Variants in MAP3K4 observed in about 807,000 individuals in gnomAD.
MAP3K4 encodes MAP three kinase 1.
A neutral mutation model predicts 185.6 loss-of-function variants in MAP3K4; 67 were observed. The ratio of observed to expected loss-of-function variants is 0.36; its 90% CI spans 0.30 to 0.44. MAP3K4 has a LOEUF of 0.44. Ranked by LOEUF, MAP3K4 falls within the 20% of genes least tolerant of loss-of-function variation. The probability of loss-of-function intolerance (pLI) is 1.00; values close to 1 mark genes in which losing one functional copy is unlikely to be tolerated. For missense variants in MAP3K4, 1,551 were observed against 1,995.1 expected (o/e 0.78, Z 4.24); for synonymous variants, 702 against 710.4 (o/e 0.99, Z 0.19).
chr6:161,098,909 A>G lies in MAP3K4; in HGVS notation c.3674+482A>G, dbSNP rs994477538. ...TTTATAGAAGTGGAAAAATGAGTTC[A>G]TGGGGTTTGTATGTCATATGGAGAA... On this transcript the variant is annotated intron_variant, in intron 17 of 26. Coordinates refer to ENST00000392142, the MANE Select transcript of MAP3K4 (RefSeq NM_005922.4). The surrounding 1 kb of genome is among the most constrained non-coding windows in gnomAD (Gnocchi z 4.4). Among the ~76,000 whole-genome samples the G allele has an allele frequency of 1.3e-5, 2 of 152,242 alleles. No individual in the cohort carries two copies. Among genetic ancestry groups the G allele is most frequent in the Non-Finnish European group, 2.9e-5 (2 of 68,042 alleles).
intron 18 of MAP3K4, among the ~76,000 whole-genome samples, chr6:161,102,323 G>A (rs546270599): frequency 1.3e-5 from 2 of 152,254 alleles, no homozygotes; most frequent in East Asian, 1.9e-4. Flanking sequence ...TTTGTTGATC[G>A]TATGTGAAAG....
intron 1 of MAP3K4, among the ~76,000 whole-genome samples, chr6:161,001,498 G>GCAGTTTGC (rs1470169497): frequency 1.5e-4 from 23 of 152,028 alleles, no homozygotes; most frequent in African/African-American, 5.6e-4. Flanking sequence ...CAGAGCCCCT[G>GCAGTTTGC]CAGTTTGCCA....
chr6:161,060,360 T>C (rs564881819), intron 3 of MAP3K4, among the ~76,000 whole-genome samples: 78 of 152,264 alleles, frequency 5.1e-4, no homozygotes, highest in Non-Finnish European at 9.7e-4. Context: ...TAATTAGTGT[T>C]ATTAGTATGA....
At chr6:161,010,172 A>G (rs1297035786) in intron 1 of MAP3K4, among the ~76,000 whole-genome samples, 1 of 152,222 alleles carries the variant, frequency 6.6e-6, no homozygotes, top group Non-Finnish European at 1.5e-5. Context: ...ACTTGAGAGT[A>G]GTAACTATTA....
chr6:161,015,255 A>G (rs1003274110), intron 1 of MAP3K4, among the ~76,000 whole-genome samples: 1 of 151,754 alleles, frequency 6.6e-6, no homozygotes, highest in African/African-American at 2.4e-5. Flanking sequence ...AGAGCTGAAC[A>G]ATGAGAACAC....
At chr6:161,030,988 G>A (rs1307788716) in intron 1 of MAP3K4, among the ~76,000 whole-genome samples, 5 of 152,142 alleles carry the variant, frequency 3.3e-5, no homozygotes, top group Middle Eastern at 3.4e-3. Flanking sequence ...TTCCTAACTC[G>A]TTTTCTGTGA....
intron 1 of MAP3K4, among the ~76,000 whole-genome samples, chr6:161,028,758 T>C (rs1173730945): frequency 2.0e-5 from 3 of 152,210 alleles, no homozygotes; most frequent in African/African-American, 7.2e-5. Flanking sequence ...TAGTTAGGTT[T>C]GTAAAGACCC....
rs771617739 is a variant in MAP3K4, at chr6:161,049,688, G to A, written c.1416G>A (p.Pro472=). The change falls in exon 3 of 27, where the codon CCG becomes CCA. Residue 472 remains proline, a synonymous_variant. Transcript: ENST00000392142. This position sits in a 1 kb window ranked among gnomAD's most constrained non-coding sequence, Gnocchi z 8.4. ...AACAAATCTCTGATCCTAGGGTACC[G>A]GAAATCAGACAGCCCATAGATAACA... ...EEEQISDPRV[P]EIRQPIDNSF... is the part of the protein sequence containing the mutation. The A allele has an allele frequency of 5.0e-6, 8 of 1,614,112 alleles. No homozygotes were observed. Among genetic ancestry groups the A allele is most frequent in the Non-Finnish European group, 5.1e-6 (6 of 1,180,010 alleles).
At chr6:161,011,181 A>G (rs1284162495) in intron 1 of MAP3K4, among the ~76,000 whole-genome samples, 1 of 152,204 alleles carries the variant, frequency 6.6e-6, no homozygotes, top group African/African-American at 2.4e-5. Flanking sequence ...GGGAAGTCTA[A>G]TGAAGAATTT....
rs1251662304 is a variant in MAP3K4, at chr6:161,087,966, CT to C, written c.2823+13del. 1.2e-6 allele frequency: 2 copies of C among 1,603,100 alleles called. No homozygotes were observed. Among genetic ancestry groups the C allele is most frequent in the Non-Finnish European group, 1.7e-6 (2 of 1,176,952 alleles). On this transcript the variant is annotated intron_variant, in intron 10 of 26. Transcript: ENST00000392142. The surrounding 1 kb of genome is among the most constrained non-coding windows in gnomAD (Gnocchi z 4.9). ...TGAGAAGCATGCAGGTACAGCTCAT[CT>C]CCATCTTTGCAGCAGTGTTACTTCA...
rs932312897 is a variant in MAP3K4, at chr6:161,037,663, C to T, written c.343+3214C>T. 6.6e-6 allele frequency among the ~76,000 whole-genome samples: 1 copy of T among 151,862 alleles called. No individual in the cohort carries two copies. The highest frequency in any genetic ancestry group is 2.4e-5 in the African/African-American group (1 of 41,412). On this transcript the variant is annotated intron_variant, in intron 2 of 26. Coordinates refer to ENST00000392142, the MANE Select transcript of MAP3K4 (RefSeq NM_005922.4). This position sits in a 1 kb window ranked among gnomAD's most constrained non-coding sequence, Gnocchi z 4.2. ...GAACTGCTGACCTCAGGTGATCCAC[C>T]TGCCTCAGTCTCCCAAAGTGCTGGG... is the stretch of plus-strand genomic sequence containing the variant.
In MAP3K4 at chr6:161,106,763, A is replaced by ATTGC; in HGVS notation, c.4048+59_4048+60insTGCT. 2 of 1,386,808 alleles carry ATTGC rather than the reference A, an allele frequency of 1.4e-6. No individual in the cohort carries two copies. The highest frequency in any genetic ancestry group is 2.0e-6 in the Non-Finnish European group (2 of 1,006,750). 85.9% of individuals were successfully genotyped at this position (1,386,808 alleles called of 1,614,324 possible). ...GTCCCTGTTAGAAGTAGCAATAGTT[A>ATTGC]TACTTCTTTAGGTTGAATCCTATAG... On this transcript the variant is annotated intron_variant, in intron 20 of 26. Coordinates refer to ENST00000392142, the MANE Select transcript of MAP3K4 (RefSeq NM_005922.4). The surrounding 1 kb of genome is among the most constrained non-coding windows in gnomAD (Gnocchi z 4.9).
At position 161,054,146 on chromosome 6, in the gene MAP3K4, C is replaced by T. The variant is rs1221934242; in HGVS notation, c.1707+4167C>T. 1.3e-5 allele frequency among the ~76,000 whole-genome samples: 2 copies of T among 152,126 alleles called. No homozygotes were observed. Among genetic ancestry groups the T allele is most frequent in the Non-Finnish European group, 2.9e-5 (2 of 68,020 alleles). Reference sequence around the variant, plus strand: ...CTTACATTTAATTTCCCTTTGTAAGCATGCTTTACAAAATAATTTTTTTTT... The same window carrying T: ...CTTACATTTAATTTCCCTTTGTAAGTATGCTTTACAAAATAATTTTTTTTT... On this transcript the variant is annotated intron_variant, in intron 3 of 26. Transcript: ENST00000392142. The surrounding 1 kb of genome is among the most constrained non-coding windows in gnomAD (Gnocchi z 4.2).
At chr6:161,032,414 T>C (rs1488002742) in intron 1 of MAP3K4, among the ~76,000 whole-genome samples, 1 of 152,222 alleles carries the variant, frequency 6.6e-6, no homozygotes, top group Non-Finnish European at 1.5e-5. Context: ...TTTTGTTAAG[T>C]GTACATTATT....
intron 1 of MAP3K4, among the ~76,000 whole-genome samples, chr6:160,995,693 G>A (rs901915768): frequency 1.3e-5 from 2 of 152,170 alleles, no homozygotes; most frequent in Admixed American, 1.3e-4. Flanking sequence ...AATAAACATT[G>A]CTTATCATTT....
intron 1 of MAP3K4, among the ~76,000 whole-genome samples, chr6:161,013,695 C>T (rs971555829): frequency 6.6e-6 from 1 of 152,202 alleles, no homozygotes; most frequent in African/African-American, 2.4e-5. Flanking sequence ...TCCGTGGCTG[C>T]TGCTGCAGGG....
intron 3 of MAP3K4, among the ~76,000 whole-genome samples, chr6:161,068,632 G>A (rs1355313766): frequency 2.6e-5 from 4 of 152,190 alleles, no homozygotes; most frequent in South Asian, 2.1e-4. Flanking sequence ...GTGGATTGAC[G>A]CGTTGTAATC....
intron 1 of MAP3K4, among the ~76,000 whole-genome samples, chr6:161,002,392 T>G (rs1254920124): frequency 6.6e-6 from 1 of 152,138 alleles, no homozygotes; most frequent in Admixed American, 6.5e-5. Flanking sequence ...GAATGAAATC[T>G]TTTCACGTAA....
chr6:161,049,046 C>T lies in MAP3K4; in HGVS notation c.774C>T (p.Asn258=). The T allele has an allele frequency of 1.2e-6, 2 of 1,614,068 alleles. No homozygotes were observed. The highest frequency in any genetic ancestry group is 2.7e-5 in the African/African-American group (2 of 75,048). ...GQENTSGFWL[N]RSNELIWLEL... is the part of the protein sequence containing the mutation. Reference sequence around the variant, plus strand: ...AAAATACGTCTGGTTTCTGGCTTAACCGATCTAACGAACTGATCTGGTTAG... The same window carrying T: ...AAAATACGTCTGGTTTCTGGCTTAATCGATCTAACGAACTGATCTGGTTAG... The change falls in exon 3 of 27, where the codon AAC becomes AAT. Residue 258 remains asparagine (N), a synonymous_variant. Coordinates refer to ENST00000392142, the MANE Select transcript of MAP3K4 (RefSeq NM_005922.4). The surrounding 1 kb of genome is among the most constrained non-coding windows in gnomAD (Gnocchi z 8.4).
Sources: gnomAD v4.1 joint callset for allele counts (sites outside exome capture counted in the v4.1 genomes callset) on GRCh38, gnomAD v4.1.1 for gene constraint, Gnocchi (gnomAD v3.1) non-coding constraint, MANE v1.5 for transcripts, NCBI Gene and HGNC (gene_info 2026-07-23, HGNC 2026-07-21) for gene names.